Variants in MED13L observed in about 807,000 individuals in gnomAD.
The protein encoded by MED13L is mediator of RNA polymerase II transcription subunit 13-like.
Under a neutral mutation model 220.9 loss-of-function variants are expected in MED13L, and 7 were observed. The ratio of observed to expected loss-of-function variants is 0.03; its 90% CI spans 0.02 to 0.06. MED13L has a LOEUF of 0.06. Ranked by LOEUF, MED13L falls within the 10% of genes least tolerant of loss-of-function variation. The pLI is 1.00. For missense variants in MED13L, 1,965 were observed against 2,760.5 expected (o/e 0.71, Z 6.46); for synonymous variants, 1,011 against 1,015.2 (o/e 1.00, Z 0.08).
chr12:116,036,185 G>T (rs1881184351), intron 4 of MED13L, among the ~76,000 whole-genome samples: 1 of 152,116 alleles, frequency 6.6e-6, no homozygotes, highest in African/African-American at 2.4e-5. Flanking sequence ...CATAACCAAA[G>T]ATTAAATTAC....
chr12:116,226,370 C>T (rs1024158000), intron 2 of MED13L, among the ~76,000 whole-genome samples: 2 of 152,100 alleles, frequency 1.3e-5, no homozygotes, highest in Non-Finnish European at 2.9e-5. Flanking sequence ...TTATCAACGT[C>T]GGGTTTATAA....
At chr12:116,123,167 A>C (rs1412763048) in intron 2 of MED13L, among the ~76,000 whole-genome samples, 1 of 152,214 alleles carries the variant, frequency 6.6e-6, no homozygotes, top group African/African-American at 2.4e-5. Context: ...CTGCTAGAAT[A>C]ATGATTGTTT....
intron 1 of MED13L, among the ~76,000 whole-genome samples, chr12:116,269,294 T>A (rs1417758837): frequency 6.6e-6 from 1 of 151,916 alleles, no homozygotes; most frequent in African/African-American, 2.4e-5. Flanking sequence ...CCTGACCTCA[T>A]GATCAGCCAG....
intron 2 of MED13L, among the ~76,000 whole-genome samples, chr12:116,149,961 TGATA>T (rs1288120122): frequency 6.6e-6 from 1 of 152,222 alleles, no homozygotes; most frequent in East Asian, 1.9e-4. Flanking sequence ...CTTTGCCCTC[TGATA>T]GTTACATTTT....
rs757139528 is a variant in MED13L, at chr12:115,996,646, T to C, written c.2826A>G (p.Gln942=). The change falls in exon 16 of 31, where the codon CAA becomes CAG. Residue 942 remains glutamine, a synonymous_variant. Coordinates refer to ENST00000281928, the MANE Select transcript of MED13L (RefSeq NM_015335.5). ...CAAACATGGAGGATCCCACAAAAGG[T>C]TGAAAGGATGGAACTTTGTGCACAT... is the stretch of plus-strand genomic sequence containing the variant. ...FSYVHKVPSF[Q]PFVGSSMFAP... The C allele has an allele frequency of 6.8e-6, 11 of 1,613,654 alleles. No individual in the cohort carries two copies. The highest frequency in any genetic ancestry group is 6.7e-5 in the Admixed American group (4 of 59,986).
intron 2 of MED13L, among the ~76,000 whole-genome samples, chr12:116,195,324 T>C (rs1881552153): frequency 6.6e-6 from 1 of 152,048 alleles, no homozygotes; most frequent in East Asian, 1.9e-4. Context: ...TAGAAGGGAC[T>C]GTGGGGAGTG....
At chr12:116,101,381 T>C (rs780051349) in intron 3 of MED13L, among the ~76,000 whole-genome samples, 13 of 152,216 alleles carry the variant, frequency 8.5e-5, no homozygotes, top group Non-Finnish European at 1.8e-4. Context: ...TCAATAAATA[T>C]ATGAGAAATG....
At chr12:116,013,905 G>A (rs946431458) in intron 8 of MED13L, among the ~76,000 whole-genome samples, 6 of 152,142 alleles carry the variant, frequency 3.9e-5, no homozygotes, top group African/African-American at 1.4e-4. Flanking sequence ...GTTAAGAGTT[G>A]TGGAGGTGTA....
rs1468062464 is a variant in MED13L, at chr12:116,074,251, C to T, written c.479+22418G>A. Among the ~76,000 whole-genome samples the T allele has an allele frequency of 4.6e-5, 7 of 152,008 alleles. No individual in the cohort carries two copies. The East Asian group carries it at 1.2e-3, about 25-fold the overall frequency. ...CTCTACTAAAAACACAAAAAGTAGC[C>T]GGGGGTGGTGGTGCAAGCTTGTAGT... On this transcript the variant is annotated intron_variant, in intron 4 of 30. Transcript: ENST00000281928.
chr12:116,063,647 T>C (rs957015118), intron 4 of MED13L, among the ~76,000 whole-genome samples: 4 of 152,236 alleles, frequency 2.6e-5, no homozygotes, highest in African/African-American at 9.6e-5. Context: ...ATGGTTATTA[T>C]AAGCCTTAAG....
At chr12:116,204,934 C>T (rs563221586) in intron 2 of MED13L, among the ~76,000 whole-genome samples, 33 of 152,276 alleles carry the variant, frequency 2.2e-4, no homozygotes, top group African/African-American at 7.7e-4. Context: ...GAAAAAGCAG[C>T]AGTGTAGTGT....
At chr12:116,071,239 TA>T (rs1464101805) in intron 4 of MED13L, among the ~76,000 whole-genome samples, 2 of 152,238 alleles carry the variant, frequency 1.3e-5, no homozygotes, top group African/African-American at 4.8e-5. Flanking sequence ...TTTGAGACAT[TA>T]AATTTTAAGA....
chr12:116,019,525 G>A (rs1373518627), intron 6 of MED13L, 113 bp from the exon 7 acceptor site: 18 of 1,243,598 alleles, frequency 1.4e-5, no homozygotes, highest in Non-Finnish European at 1.9e-5. Flanking sequence ...ACTGCCAAAA[G>A]TGATAGGCTC....
intron 23 of MED13L, among the ~76,000 whole-genome samples, chr12:115,975,994 T>C (rs913908137): frequency 1.3e-5 from 2 of 152,160 alleles, no homozygotes; most frequent in Admixed American, 6.5e-5. Flanking sequence ...AGAAACTGCA[T>C]TGGCCCAACT....
chr12:116,093,356 T>G (rs1395147985), intron 4 of MED13L, among the ~76,000 whole-genome samples: 2 of 152,100 alleles, frequency 1.3e-5, no homozygotes, highest in East Asian at 3.8e-4. Context: ...TTGAATGAAT[T>G]TCTATGTTTC....
At chr12:116,260,845 C>T (rs373117589) in intron 1 of MED13L, among the ~76,000 whole-genome samples, 4 of 152,110 alleles carry the variant, frequency 2.6e-5, no homozygotes, top group Non-Finnish European at 4.4e-5. Flanking sequence ...AAAAATTAAA[C>T]GAGAATATCC....
rs527564182 is a variant in MED13L, at chr12:116,141,746, C to G, written c.311-30234G>C. On this transcript the variant is annotated intron_variant, in intron 2 of 30. Transcript: ENST00000281928. ...CTGCTTCTGTGCTGGCTCTCCCCAA[C>G]CCAGTGTCTTCTCCATGTGGTAGCT... 1.4e-4 allele frequency among the ~76,000 whole-genome samples: 22 copies of G among 152,234 alleles called. No individual in the cohort carries two copies. In the South Asian group the frequency reaches 4.6e-3, roughly 32 times the overall value.
At chr12:115,974,252 C>A (rs1206338816) in intron 25 of MED13L, among the ~76,000 whole-genome samples, 1 of 152,186 alleles carries the variant, frequency 6.6e-6, no homozygotes, top group East Asian at 1.9e-4. Context: ...TACTATCTGG[C>A]CATTTACAAA....
intron 4 of MED13L, among the ~76,000 whole-genome samples, chr12:116,053,316 T>C (rs1396593098): frequency 3.9e-5 from 6 of 152,140 alleles, no homozygotes; most frequent in Admixed American, 3.3e-4. Context: ...TAAATAAGTA[T>C]AATCGAAGGT....
Sources: gnomAD v4.1 joint callset for allele counts (sites outside exome capture counted in the v4.1 genomes callset) on GRCh38, gnomAD v4.1.1 for gene constraint, MANE v1.5 for transcripts, NCBI Gene and HGNC (gene_info 2026-07-23, HGNC 2026-07-21) for gene names.